The following SBF2 variants were observed in gnomAD, a reference collection of about 807,000 sequenced individuals.
SBF2 encodes the protein myotubularin-related protein 13.
Under a neutral mutation model 225.2 loss-of-function variants are expected in SBF2, and 112 were observed. The ratio of observed to expected loss-of-function variants is 0.50; its 90% CI spans 0.43 to 0.58. The LOEUF is 0.58. Among genes scored for constraint, SBF2 ranks in the 20% least tolerant of loss-of-function variants. The pLI is 0.00. For missense variants in SBF2, 1,996 were observed against 2,206.2 expected (o/e 0.90, Z 1.91); for synonymous variants, 763 against 773.3 (o/e 0.99, Z 0.22).
Position 10,268,334 on chromosome 11 carries a change from A to G in SBF2, c.55+25681T>C, listed in dbSNP as rs577680889. Among the ~76,000 whole-genome samples the G allele has an allele frequency of 2.6e-5, 4 of 152,332 alleles. No homozygotes were observed. The South Asian group carries it at 6.2e-4, about 24-fold the overall frequency. ...TCTTCCATTTTAAGTTCTTAAACCT[A>G]TATTTTAAATTACTATAAGGACAGA... is the stretch of plus-strand genomic sequence containing the variant. On this transcript the variant is annotated intron_variant, in intron 1 of 39. Transcript: ENST00000256190.
intron 2 of SBF2, among the ~76,000 whole-genome samples, chr11:10,094,068 C>T (rs576310918): frequency 1.2e-4 from 19 of 152,310 alleles, no homozygotes; most frequent in Non-Finnish European, 2.1e-4. Context: ...CGGTGGCTCA[C>T]GCCTATAATC....
chr11:9,860,894 C>G (rs1339632679), intron 17 of SBF2, among the ~76,000 whole-genome samples: 3 of 152,168 alleles, frequency 2.0e-5, no homozygotes, highest in Admixed American at 2.0e-4. Context: ...AATTAAACAT[C>G]TTTTATTAAA....
At chr11:9,943,790 A>C (rs959499046) in intron 16 of SBF2, among the ~76,000 whole-genome samples, 9 of 152,202 alleles carry the variant, frequency 5.9e-5, no homozygotes, top group African/African-American at 1.9e-4. Flanking sequence ...TCAGAGTATA[A>C]ATTTGTAATA....
At position 10,249,729 on chromosome 11, in the gene SBF2, C is replaced by T. The variant is rs1164763241; in HGVS notation, c.55+44286G>A. Among the ~76,000 whole-genome samples the T allele has an allele frequency of 4.1e-5, 6 of 147,246 alleles. No individual in the cohort carries two copies. The East Asian group carries it at 8.3e-4, about 20-fold the overall frequency. On this transcript the variant is annotated intron_variant, in intron 1 of 39. Coordinates refer to ENST00000256190, the MANE Select transcript of SBF2 (RefSeq NM_030962.4). Reference sequence around the variant, plus strand: ...TGGGGGAGTCCATAGCATTGGAATGCTATGGGGGAGTCCATAGCATTGGAA... The same window carrying T: ...TGGGGGAGTCCATAGCATTGGAATGTTATGGGGGAGTCCATAGCATTGGAA...
intron 2 of SBF2, among the ~76,000 whole-genome samples, chr11:10,176,275 A>G (rs1390578451): frequency 6.6e-6 from 1 of 150,606 alleles, no homozygotes. Flanking sequence ...ATCACAATTA[A>G]AAGAACTAGA....
rs556415034 is a variant in SBF2, at chr11:10,195,462, C to A, written c.56-1475G>T. 1.6e-3 allele frequency among the ~76,000 whole-genome samples: 243 copies of A among 152,260 alleles called. 1 individual carries two copies. The highest frequency in any genetic ancestry group is 5.6e-3 in the African/African-American group (234 of 41,540). On this transcript the variant is annotated intron_variant, in intron 1 of 39. Transcript: ENST00000256190. ...TTTTTTAAGATCTTCATGTTCCTTG[C>A]ATATTCTACATGTTGTCCTAGTTCA...
chr11:9,797,794 C>G (rs1490355958), intron 32 of SBF2, among the ~76,000 whole-genome samples: 3 of 152,278 alleles, frequency 2.0e-5, no homozygotes, highest in Non-Finnish European at 4.4e-5. Context: ...CATAGTGAGA[C>G]CTTTTCTCTA....
Position 9,877,414 on chromosome 11 carries a change from T to C in SBF2, c.1929+18529A>G, listed in dbSNP as rs532757066. 3.9e-5 allele frequency among the ~76,000 whole-genome samples: 6 copies of C among 152,336 alleles called. No individual in the cohort carries two copies. In the South Asian group the frequency reaches 1.0e-3, roughly 26 times the overall value. ...AAACCTAAATAATTTTTTAAAATTA[T>C]ACTTTAAGTTCTAGGGTACATGTGC... On this transcript the variant is annotated intron_variant, in intron 17 of 39. Coordinates refer to ENST00000256190, the MANE Select transcript of SBF2 (RefSeq NM_030962.4).
At chr11:10,137,409 C>G (rs1954429905) in intron 2 of SBF2, among the ~76,000 whole-genome samples, 1 of 152,114 alleles carries the variant, frequency 6.6e-6, no homozygotes, top group Non-Finnish European at 1.5e-5. Flanking sequence ...TGGTATTGAG[C>G]TGGCTAGAAC....
chr11:9,833,401 C>A (rs1049718533), intron 26 of SBF2, among the ~76,000 whole-genome samples: 2 of 150,156 alleles, frequency 1.3e-5, no homozygotes, highest in African/African-American at 2.4e-5. Flanking sequence ...AACCACTAAT[C>A]CTATATCTTT....
At chr11:10,145,097 T>C (rs761774274) in intron 2 of SBF2, among the ~76,000 whole-genome samples, 4 of 152,194 alleles carry the variant, frequency 2.6e-5, no homozygotes, top group Admixed American at 1.3e-4. Flanking sequence ...CGATGGCTTG[T>C]CTTTGCTTTA....
chr11:10,012,333 G>C (rs560473126), intron 6 of SBF2, among the ~76,000 whole-genome samples: 1 of 152,080 alleles, frequency 6.6e-6, no homozygotes, highest in Non-Finnish European at 1.5e-5. Context: ...GTAGAGATGA[G>C]TTCTCACTAT....
At chr11:10,063,856 C>CAGAGAGAGAGAGAGAG (rs1487944368) in intron 2 of SBF2, among the ~76,000 whole-genome samples, 4 of 125,610 alleles carry the variant, frequency 3.2e-5, no homozygotes, top group East Asian at 2.7e-4. Context: ...CACACACACA[C>CAGAGAGAGAGAGAGAG]ACAGAGAGAG....
intron 16 of SBF2, among the ~76,000 whole-genome samples, chr11:9,930,370 T>C (rs1420596369): frequency 2.0e-5 from 3 of 152,034 alleles, no homozygotes; most frequent in Non-Finnish European, 4.4e-5. Flanking sequence ...ACCAAAAAAA[T>C]TACATATTTG....
chr11:9,813,895 T>C (rs547797721), intron 29 of SBF2, among the ~76,000 whole-genome samples: 25 of 152,022 alleles, frequency 1.6e-4, no homozygotes, highest in South Asian at 4.2e-4. Context: ...TGAGCTGAGA[T>C]GACACCACTG....
chr11:9,812,527 A>T lies in SBF2; in HGVS notation c.4155+5T>A, dbSNP rs1342007313. 2.5e-6 allele frequency: 4 copies of T among 1,614,136 alleles called. No homozygotes were observed. In the South Asian group the frequency reaches 4.4e-5, roughly 18 times the overall value. ...TATAAAGAAAGAAGCTGCTTCAGACATTACCTGTGGGAACCACTCAGAATC... is the reference window on the plus strand; with the variant it reads ...TATAAAGAAAGAAGCTGCTTCAGACTTTACCTGTGGGAACCACTCAGAATC... On this transcript the variant is annotated splice_donor_5th_base_variant and intron_variant, in intron 30 of 39. Transcript: ENST00000256190.
intron 2 of SBF2, among the ~76,000 whole-genome samples, chr11:10,170,744 A>G: frequency 6.6e-6 from 1 of 152,066 alleles, no homozygotes; most frequent in South Asian, 2.1e-4. Flanking sequence ...TAGGTAGTAT[A>G]AACATTTTAA....
intron 1 of SBF2, among the ~76,000 whole-genome samples, chr11:10,275,882 T>C (rs571124314): frequency 9.1e-4 from 139 of 152,318 alleles, no homozygotes; most frequent in African/African-American, 3.2e-3. Context: ...TGATGTTTCA[T>C]TGCTGTCTCT....
In SBF2 at chr11:10,088,733, A is replaced by C. The variant is rs148946539; in HGVS notation, c.142-45752T>G. 1.4e-4 allele frequency among the ~76,000 whole-genome samples: 21 copies of C among 152,358 alleles called. No individual in the cohort carries two copies. In the East Asian group the frequency reaches 3.9e-3, roughly 28 times the overall value. On this transcript the variant is annotated intron_variant, in intron 2 of 39. Transcript: ENST00000256190. ...TCTATTTTTGAGGGGGTGTACCCCC[A>C]CGATCCAAACACTTTCCATTAGGGC...
Sources: gnomAD v4.1 joint callset for allele counts (sites outside exome capture counted in the v4.1 genomes callset) on GRCh38, gnomAD v4.1.1 for gene constraint, MANE v1.5 for transcripts, NCBI Gene and HGNC (gene_info 2026-07-23, HGNC 2026-07-21) for gene names.